ARHGAP28: variants seen among roughly 807,000 people sequenced by gnomAD.
ARHGAP28 encodes the protein rho GTPase-activating protein 28.
Under a neutral mutation model 90.7 loss-of-function variants are expected in ARHGAP28, and 56 were observed. The observed-to-expected ratio is 0.62, with a 90% CI of 0.50 to 0.77. The LOEUF (loss-of-function observed/expected upper bound fraction) is 0.77, where lower values mean the gene tolerates loss of function less well. Ranked by LOEUF, ARHGAP28 falls within the 30% of genes least tolerant of loss-of-function variation. The pLI, the probability that ARHGAP28 is intolerant of heterozygous loss-of-function variation, is 0.00. For missense variants in ARHGAP28, 869 were observed against 900.9 expected (o/e 0.96, Z 0.45); for synonymous variants, 308 against 323.3 (o/e 0.95, Z 0.51).
chr18:6,831,471 G>GTTTTTTTTTT (rs57331018), intron 2 of ARHGAP28, among the ~76,000 whole-genome samples: 64 of 109,282 alleles, frequency 5.9e-4, no homozygotes, highest in African/African-American at 1.1e-3. Flanking sequence ...GTATCTTGAT[G>GTTTTTTTTTT]TTTTTTTTTT....
At chr18:6,786,627 A>G (rs1022386386) in intron 1 of ARHGAP28, among the ~76,000 whole-genome samples, 1 of 152,206 alleles carries the variant, frequency 6.6e-6, no homozygotes, top group Non-Finnish European at 1.5e-5. Flanking sequence ...TGCTATTGAT[A>G]GGTGAATCCC....
chr18:6,876,701 C>T (rs1194729650), intron 10 of ARHGAP28, among the ~76,000 whole-genome samples: 2 of 152,162 alleles, frequency 1.3e-5, no homozygotes, highest in African/African-American at 4.8e-5. Flanking sequence ...AAAGCTCTTA[C>T]AGGAATTTGT....
At chr18:6,737,780 A>C (rs932570352) in intron 1 of ARHGAP28, among the ~76,000 whole-genome samples, 4 of 152,226 alleles carry the variant, frequency 2.6e-5, no homozygotes, top group Non-Finnish European at 5.9e-5. Flanking sequence ...TTCAAGTTGC[A>C]TTAGTCTCTA....
At chr18:6,831,868 C>A (rs896687326) in intron 2 of ARHGAP28, among the ~76,000 whole-genome samples, 3 of 152,096 alleles carry the variant, frequency 2.0e-5, no homozygotes, top group Non-Finnish European at 2.9e-5. Context: ...TGTAAACTTT[C>A]TGTAAATGCT....
At chr18:6,898,431 C>G in intron 16 of ARHGAP28, 1 of 1,509,294 alleles carries the variant, frequency 6.6e-7, no homozygotes, top group Non-Finnish European at 9.2e-7. Flanking sequence ...TCCACTTGCT[C>G]CAAGAATACT....
intron 1 of ARHGAP28, among the ~76,000 whole-genome samples, chr18:6,782,702 G>A (rs1014163104): frequency 3.0e-5 from 4 of 133,332 alleles, no homozygotes; most frequent in African/African-American, 5.6e-5. Context: ...CACCCACCTC[G>A]GCCTCCCAAA....
chr18:6,822,844 G>A, intron 1 of ARHGAP28, among the ~76,000 whole-genome samples: 1 of 152,136 alleles, frequency 6.6e-6, no homozygotes, highest in Non-Finnish European at 1.5e-5. Context: ...CAGCATATGA[G>A]CAAATGGAAA....
At chr18:6,859,069 C>CT (rs1302481287) in intron 4 of ARHGAP28, among the ~76,000 whole-genome samples, 1 of 139,944 alleles carries the variant, frequency 7.1e-6, no homozygotes, top group East Asian at 2.3e-4. Flanking sequence ...TTAGTTTCAG[C>CT]TTTATTAAAA....
chr18:6,908,296 C>G (rs2057375281), intron 16 of ARHGAP28, among the ~76,000 whole-genome samples: 1 of 152,034 alleles, frequency 6.6e-6, no homozygotes, highest in Non-Finnish European at 1.5e-5. Flanking sequence ...TGCCACCACG[C>G]CCGGCTGATT....
rs529579771 is a variant in ARHGAP28 at position 6,757,480 on chromosome 18, C to T, written c.122+27537C>T. 2.4e-4 allele frequency among the ~76,000 whole-genome samples: 36 copies of T among 152,084 alleles called. 1 individual carries two copies. In the South Asian group the frequency reaches 6.5e-3, roughly 27 times the overall value. On this transcript the variant is annotated intron_variant, in intron 1 of 17. Transcript: ENST00000383472. The stretch of plus-strand genomic sequence containing the variant: ...TGAAGTAGGAATTCTAGGAACATAC[C>T]GACGATTAATACAAAGCCAGGATTT...
At chr18:6,841,210 T>TCTCTCTCTCTC (rs1600235869) in intron 3 of ARHGAP28, among the ~76,000 whole-genome samples, 4 of 94,372 alleles carry the variant, frequency 4.2e-5, no homozygotes, top group South Asian at 7.4e-4. Flanking sequence ...TCTCCTCTCC[T>TCTCTCTCTCTC]CTCTCTCTCT....
At chr18:6,772,482 T>C (rs541600212) in intron 1 of ARHGAP28, among the ~76,000 whole-genome samples, 3 of 152,352 alleles carry the variant, frequency 2.0e-5, no homozygotes, top group Admixed American at 1.3e-4. Flanking sequence ...GAGACCATAC[T>C]TGGAGTACCC....
At chr18:6,846,454 T>C (rs1567968545) in intron 3 of ARHGAP28, among the ~76,000 whole-genome samples, 1 of 152,230 alleles carries the variant, frequency 6.6e-6, no homozygotes, top group Non-Finnish European at 1.5e-5. Context: ...TTCTGTTGCC[T>C]GAAGGTAGAC....
intron 16 of ARHGAP28, among the ~76,000 whole-genome samples, chr18:6,902,838 G>A (rs971510921): frequency 1.3e-5 from 2 of 152,104 alleles, no homozygotes; most frequent in African/African-American, 4.8e-5. Context: ...AAAATTGAAA[G>A]CAGGGGCTCA....
chr18:6,812,595 C>T (rs550084538), intron 1 of ARHGAP28, among the ~76,000 whole-genome samples: 9 of 151,582 alleles, frequency 5.9e-5, no homozygotes, highest in African/African-American at 2.0e-4. Flanking sequence ...ACTCTCCATC[C>T]CCATGGCATC....
At chr18:6,802,211 T>A (rs1219064813) in intron 1 of ARHGAP28, among the ~76,000 whole-genome samples, 3 of 152,106 alleles carry the variant, frequency 2.0e-5, no homozygotes, top group African/African-American at 7.2e-5. Flanking sequence ...TGTGCTACAA[T>A]AAACATGAAA....
chr18:6,746,279 G>T (rs1417282921), intron 1 of ARHGAP28, among the ~76,000 whole-genome samples: 4 of 152,110 alleles, frequency 2.6e-5, no homozygotes, highest in African/African-American at 9.7e-5. Flanking sequence ...TTAGACCAGG[G>T]GTTGGCACAG....
chr18:6,834,676 A>G (rs1371838516), intron 2 of ARHGAP28: 1 of 152,212 alleles, frequency 6.6e-6, no homozygotes, highest in Non-Finnish European at 1.5e-5. Context: ...AGCAATCCAC[A>G]AGAGAGAGGA....
chr18:6,741,127 TG>T (rs2055973664), intron 1 of ARHGAP28, among the ~76,000 whole-genome samples: 1 of 152,208 alleles, frequency 6.6e-6, no homozygotes, highest in Non-Finnish European at 1.5e-5. Flanking sequence ...GTTGGAGTCT[TG>T]AAAACATATT....
Sources: allele counts gnomAD v4.1 joint callset (sites outside exome capture counted in the v4.1 genomes callset), GRCh38; gene constraint gnomAD v4.1.1; transcripts MANE v1.5; gene names NCBI Gene and HGNC (gene_info 2026-07-23, HGNC 2026-07-21).